Variants in SCAPER observed in about 807,000 individuals in gnomAD.
The protein encoded by SCAPER is S phase cyclin A-associated protein in the endoplasmic reticulum.
SCAPER carries 98 observed loss-of-function variants against 182.2 expected under a neutral mutation model. The ratio of observed to expected loss-of-function variants is 0.54; its 90% CI spans 0.46 to 0.64. The LOEUF (loss-of-function observed/expected upper bound fraction) is 0.64, where lower values mean the gene tolerates loss of function less well. Ranked by LOEUF, SCAPER falls within the 30% of genes least tolerant of loss-of-function variation. The pLI, the probability that SCAPER is intolerant of heterozygous loss-of-function variation, is 0.00. For synonymous variants in SCAPER, 605 were observed against 564.6 expected (o/e 1.07, Z -1.01); for missense variants, 1,432 against 1,690.0 (o/e 0.85, Z 2.68).
At chr15:76,730,692 A>G (rs1314240339) in intron 16 of SCAPER, among the ~76,000 whole-genome samples, 1 of 152,126 alleles carries the variant, frequency 6.6e-6, no homozygotes, top group African/African-American at 2.4e-5. Context: ...GGCATTAAAT[A>G]TAAATAATTA....
intron 5 of SCAPER, among the ~76,000 whole-genome samples, chr15:76,836,898 A>C (rs924546188): frequency 6.6e-6 from 1 of 152,106 alleles, no homozygotes; most frequent in Admixed American, 6.5e-5. Flanking sequence ...AAAGAAAAGA[A>C]AAGTAATTGT....
At chr15:76,452,390 T>C (rs563108965) in intron 25 of SCAPER, among the ~76,000 whole-genome samples, 2 of 152,354 alleles carry the variant, frequency 1.3e-5, no homozygotes, top group African/African-American at 4.8e-5. Context: ...ATTGCCCATT[T>C]TCCTAAATCT....
At chr15:76,424,577 C>T (rs1013755807) in intron 26 of SCAPER, among the ~76,000 whole-genome samples, 17 of 152,086 alleles carry the variant, frequency 1.1e-4, no homozygotes, top group African/African-American at 4.1e-4. Flanking sequence ...ATCCAATTTG[C>T]CAGTCTGTGT....
At chr15:76,411,895 CTAAG>C (rs1345845701) in intron 26 of SCAPER, among the ~76,000 whole-genome samples, 1 of 152,116 alleles carries the variant, frequency 6.6e-6, no homozygotes. Flanking sequence ...CTTCCATGTG[CTAAG>C]TAGTTATTTG....
chr15:76,572,444 C>T (rs1298654801), intron 23 of SCAPER, among the ~76,000 whole-genome samples: 1 of 152,166 alleles, frequency 6.6e-6, no homozygotes, highest in Non-Finnish European at 1.5e-5. Flanking sequence ...GGATGTGTTA[C>T]ACACAAGAAC....
chr15:76,843,591 G>C (rs2069704918), intron 4 of SCAPER, among the ~76,000 whole-genome samples: 1 of 152,166 alleles, frequency 6.6e-6, no homozygotes, highest in Non-Finnish European at 1.5e-5. Flanking sequence ...AAATAAGCTT[G>C]TAGAAAAAAT....
At chr15:76,453,853 G>A (rs755252567) in intron 25 of SCAPER, among the ~76,000 whole-genome samples, 4 of 152,150 alleles carry the variant, frequency 2.6e-5, no homozygotes, top group Admixed American at 6.5e-5. Context: ...GTGGCAGAAA[G>A]ATACTTGGAG....
chr15:76,667,640 A>C lies in SCAPER; in HGVS notation c.2509-1851T>G, dbSNP rs1270427051. ...GACTCAGTCTCAAAAAAAAAAAAAA[A>C]AAAAAAAAAAAAAAAAAAAAAACGC... On this transcript the variant is annotated intron_variant, in intron 20 of 31. Coordinates refer to ENST00000563290, the MANE Select transcript of SCAPER (RefSeq NM_020843.4). Among the ~76,000 whole-genome samples the C allele has an allele frequency of 3.3e-4, 26 of 79,804 alleles. 2 individuals carry two copies. The highest frequency in any genetic ancestry group is 1.3e-3 in the African/African-American group (25 of 18,732). 52.4% of individuals were successfully genotyped at this position (79,804 alleles called of 152,430 possible). A position where few individuals can be genotyped will look rare whatever the true frequency, so the allele number is the denominator to read the frequency against.
chr15:76,705,864 G>C, intron 18 of SCAPER, 39 bp downstream of exon 18: 1 of 1,397,866 alleles, frequency 7.2e-7, no homozygotes, highest in Non-Finnish European at 9.7e-7. Context: ...TCCACTGTAA[G>C]CTCTAAAATT....
intron 26 of SCAPER, among the ~76,000 whole-genome samples, chr15:76,412,090 ACTTTT>A (rs896283847): frequency 6.6e-6 from 1 of 152,172 alleles, no homozygotes; most frequent in Non-Finnish European, 1.5e-5. Context: ...ACAAGAGGTT[ACTTTT>A]CTTCCATATG....
chr15:76,462,269 A>G (rs2049248079), intron 25 of SCAPER, among the ~76,000 whole-genome samples: 1 of 152,084 alleles, frequency 6.6e-6, no homozygotes, highest in African/African-American at 2.4e-5. Flanking sequence ...TCTGCTTTTC[A>G]TTGGTCCTTA....
intron 1 of SCAPER, among the ~76,000 whole-genome samples, chr15:76,896,282 A>C (rs1375439858): frequency 6.6e-6 from 1 of 151,884 alleles, no homozygotes; most frequent in Non-Finnish European, 1.5e-5. Context: ...AGGTGGGAGG[A>C]TCACCGGAGC....
rs780847761 is a variant in SCAPER, at chr15:76,348,735, C to G, written c.4101G>C (p.Gly1367=). Residue 1367 remains glycine, a splice_region_variant and synonymous_variant, in exon 32 of 32, where the codon GGG becomes GGC. Coordinates refer to ENST00000563290, the MANE Select transcript of SCAPER (RefSeq NM_020843.4). ...QAENQPYQPK[G]KCLGSQDYLE... Reference sequence around the variant, plus strand: ...GATAGTCTTGGGAACCAAGGCATTTCCCTGAGAGGGGGATAAAAGAGAAAA... The same window carrying G: ...GATAGTCTTGGGAACCAAGGCATTTGCCTGAGAGGGGGATAAAAGAGAAAA... 9.9e-6 allele frequency: 15 copies of G among 1,508,844 alleles called. No individual in the cohort carries two copies. Among genetic ancestry groups the G allele is most frequent in the Non-Finnish European group, 1.3e-5 (15 of 1,122,224 alleles). 93.5% of individuals were successfully genotyped at this position (1,508,844 alleles called of 1,614,324 possible). A position where few individuals can be genotyped will look rare whatever the true frequency, so the allele number is the denominator to read the frequency against.
At chr15:76,859,780 G>A (rs1489399862) in intron 3 of SCAPER, among the ~76,000 whole-genome samples, 1 of 152,006 alleles carries the variant, frequency 6.6e-6, no homozygotes, top group Non-Finnish European at 1.5e-5. Flanking sequence ...CCCCCAGGCT[G>A]GAGTGCAGTG....
chr15:76,389,643 C>T (rs1275593524), intron 27 of SCAPER, among the ~76,000 whole-genome samples: 1 of 150,166 alleles, frequency 6.7e-6, no homozygotes, highest in African/African-American at 2.4e-5. Flanking sequence ...GAAACCCCAT[C>T]TTTACTAAAA....
intron 15 of SCAPER, among the ~76,000 whole-genome samples, chr15:76,735,232 G>A (rs1387092833): frequency 6.6e-6 from 1 of 151,912 alleles, no homozygotes; most frequent in Non-Finnish European, 1.5e-5. Context: ...ATTTAGCCAG[G>A]TGTGGTGGCA....
chr15:76,901,751 G>A (rs183376702), intron 1 of SCAPER, among the ~76,000 whole-genome samples: 42 of 150,016 alleles, frequency 2.8e-4, no homozygotes, highest in African/African-American at 9.1e-4. Context: ...ACGGAGTCTC[G>A]CTCTGTTGTT....
At chr15:76,655,697 G>A (rs542250202) in intron 21 of SCAPER, among the ~76,000 whole-genome samples, 1 of 152,304 alleles carries the variant, frequency 6.6e-6, no homozygotes, top group African/African-American at 2.4e-5. Flanking sequence ...AACTCATCAG[G>A]CTAACAGTGG....
intron 4 of SCAPER, among the ~76,000 whole-genome samples, chr15:76,856,437 A>G (rs1022738231): frequency 2.6e-5 from 4 of 151,608 alleles, no homozygotes; most frequent in African/African-American, 7.3e-5. Flanking sequence ...ATATACATAT[A>G]TAAGAAATAT....
Sources: gnomAD v4.1 joint callset for allele counts (sites outside exome capture counted in the v4.1 genomes callset) on GRCh38, gnomAD v4.1.1 for gene constraint, MANE v1.5 for transcripts, NCBI Gene and HGNC (gene_info 2026-07-23, HGNC 2026-07-21) for gene names.